The following EXOC6B variants were observed in gnomAD, a reference collection of about 807,000 sequenced individuals.
EXOC6B encodes exocyst complex component 6B.
In EXOC6B, 54 loss-of-function variants were observed where a neutral mutation model predicts 113.5. The observed-to-expected ratio is 0.48, with a 90% CI of 0.38 to 0.60. EXOC6B has a LOEUF of 0.60. Ranked by LOEUF, EXOC6B falls within the 20% of genes least tolerant of loss-of-function variation. EXOC6B has a pLI of 0.00. For synonymous variants in EXOC6B, 357 were observed against 339.0 expected, an observed-to-expected ratio of 1.05 and a Z score of -0.58; for missense variants, 797 against 977.5, an observed-to-expected ratio of 0.82 and a Z score of 2.46.
intron 20 of EXOC6B, among the ~76,000 whole-genome samples, chr2:72,330,393 G>A (rs1336411681): frequency 6.6e-6 from 1 of 151,978 alleles, no homozygotes. Context: ...AAAATAATAT[G>A]AGAAATTAAG....
intron 20 of EXOC6B, among the ~76,000 whole-genome samples, chr2:72,215,039 T>G (rs1680435401): frequency 6.6e-6 from 1 of 152,180 alleles, no homozygotes; most frequent in African/African-American, 2.4e-5. Context: ...TCATTAATCA[T>G]AAGAGTCTGG....
chr2:72,304,617 G>A (rs1686719531), intron 20 of EXOC6B, among the ~76,000 whole-genome samples: 1 of 152,142 alleles, frequency 6.6e-6, no homozygotes. Context: ...AAATGAAACA[G>A]ACTTTGGAGC....
chr2:72,488,165 A>G (rs1660617421), intron 16 of EXOC6B, among the ~76,000 whole-genome samples: 1 of 152,084 alleles, frequency 6.6e-6, no homozygotes, highest in African/African-American at 2.4e-5. Context: ...AGTATTTGTC[A>G]TAATTCATCA....
intron 20 of EXOC6B, among the ~76,000 whole-genome samples, chr2:72,228,801 C>T (rs62147593): frequency 2.6e-5 from 4 of 152,026 alleles, no homozygotes; most frequent in Non-Finnish European, 4.4e-5. Context: ...TGGCTGGGTC[C>T]AATGGTATTT....
chr2:72,691,620 T>C (rs1677485024), intron 6 of EXOC6B, among the ~76,000 whole-genome samples: 1 of 151,826 alleles, frequency 6.6e-6, no homozygotes, highest in African/African-American at 2.4e-5. Context: ...ACAGGAACGC[T>C]TATAAAAAGA....
intron 20 of EXOC6B, among the ~76,000 whole-genome samples, chr2:72,268,213 C>A (rs898345581): frequency 7.9e-5 from 12 of 152,090 alleles, no homozygotes; most frequent in Non-Finnish European, 4.4e-5. Flanking sequence ...TGGGTTCAAG[C>A]AATTCTTATG....
intron 18 of EXOC6B, among the ~76,000 whole-genome samples, chr2:72,397,713 T>C (rs1454110151): frequency 6.6e-6 from 1 of 151,778 alleles, no homozygotes; most frequent in African/African-American, 2.4e-5. Flanking sequence ...TATCTGATAC[T>C]ACTGACACCT....
chr2:72,719,522 C>A (rs1355231081), intron 5 of EXOC6B, among the ~76,000 whole-genome samples: 1 of 152,162 alleles, frequency 6.6e-6, no homozygotes, highest in Non-Finnish European at 1.5e-5. Context: ...GACTAGGAGG[C>A]TGTAGACAGG....
At chr2:72,475,473 C>T (rs1241121963) in intron 17 of EXOC6B, among the ~76,000 whole-genome samples, 1 of 152,132 alleles carries the variant, frequency 6.6e-6, no homozygotes. Context: ...TGGGTAGGCC[C>T]GACCTCAGGC....
At chr2:72,653,587 T>G (rs1674362598) in intron 6 of EXOC6B, among the ~76,000 whole-genome samples, 2 of 142,534 alleles carry the variant, frequency 1.4e-5, no homozygotes, top group Admixed American at 1.4e-4. Context: ...AAATAAAAAA[T>G]ATTGCCAGCA....
intron 18 of EXOC6B, among the ~76,000 whole-genome samples, chr2:72,422,286 C>A (rs1319398624): frequency 6.6e-6 from 1 of 152,230 alleles, no homozygotes; most frequent in Non-Finnish European, 1.5e-5. Context: ...GCCAGCTGGG[C>A]TCCTGAGTCT....
In EXOC6B at chr2:72,397,627, A is replaced by AAAAT. The variant is rs1463838253; in HGVS notation, c.1981-17758_1981-17757insATTT. Among the ~76,000 whole-genome samples, 127 of 129,056 alleles carry AAAAT rather than the reference A, an allele frequency of 9.8e-4. 1 individual carries two copies. The highest frequency in any genetic ancestry group is 4.9e-3 in the African/African-American group (123 of 25,090). 84.7% of individuals were successfully genotyped at this position (129,056 alleles called of 152,430 possible). A position where few individuals can be genotyped will look rare whatever the true frequency, so the allele number is the denominator to read the frequency against. Reference sequence around the variant, plus strand: ...GGTGAAACCTCATCTCAAAAAAAAAAAATAAAATAAAATAAAATAAAATAA... The same window carrying AAAAT: ...GGTGAAACCTCATCTCAAAAAAAAAAAAATAATAAAATAAAATAAAATAAAATAA... On this transcript the variant is annotated intron_variant, in intron 18 of 21. Coordinates refer to ENST00000272427, the MANE Select transcript of EXOC6B (RefSeq NM_015189.3).
chr2:72,506,511 A>G (rs1017726125), intron 11 of EXOC6B, among the ~76,000 whole-genome samples: 2 of 152,168 alleles, frequency 1.3e-5, no homozygotes, highest in African/African-American at 2.4e-5. Context: ...TGTTTAACCT[A>G]TCTATCTACT....
chr2:72,713,618 T>A (rs537974197), intron 6 of EXOC6B, among the ~76,000 whole-genome samples: 1 of 149,898 alleles, frequency 6.7e-6, no homozygotes, highest in African/African-American at 2.5e-5. Flanking sequence ...GAGTGTGATG[T>A]TCCCCTTCCT....
At chr2:72,256,228 C>T (rs1405749968) in intron 20 of EXOC6B, among the ~76,000 whole-genome samples, 1 of 152,150 alleles carries the variant, frequency 6.6e-6, no homozygotes, top group African/African-American at 2.4e-5. Flanking sequence ...GGAGGGAGCA[C>T]AGCCTTTCTG....
chr2:72,696,153 C>T (rs1018121163), intron 6 of EXOC6B, among the ~76,000 whole-genome samples: 5 of 152,162 alleles, frequency 3.3e-5, no homozygotes, highest in African/African-American at 1.2e-4. Context: ...TGGGGAAAGA[C>T]AATGCAGAAT....
At chr2:72,813,434 C>T (rs1686034478) in intron 1 of EXOC6B, among the ~76,000 whole-genome samples, 1 of 152,120 alleles carries the variant, frequency 6.6e-6, no homozygotes, top group African/African-American at 2.4e-5. Flanking sequence ...CCACATTTAT[C>T]ATTTAAAATG....
intron 6 of EXOC6B, among the ~76,000 whole-genome samples, chr2:72,694,267 T>A (rs1350528186): frequency 6.6e-6 from 1 of 151,902 alleles, no homozygotes; most frequent in African/African-American, 2.4e-5. Context: ...AACATGGGAA[T>A]CCCATCTCTA....
chr2:72,493,714 C>A (rs957423003), intron 15 of EXOC6B, among the ~76,000 whole-genome samples: 47 of 151,952 alleles, frequency 3.1e-4, no homozygotes, highest in African/African-American at 1.1e-3. Flanking sequence ...TTAAAAAAAT[C>A]TTTCTTTCAA....
Sources: gnomAD v4.1 joint callset for allele counts (sites outside exome capture counted in the v4.1 genomes callset) on GRCh38, gnomAD v4.1.1 for gene constraint, MANE v1.5 for transcripts, NCBI Gene and HGNC (gene_info 2026-07-23, HGNC 2026-07-21) for gene names.